The following PDE1A variants were observed in gnomAD, a reference collection of about 807,000 sequenced individuals.
The protein encoded by PDE1A is phosphodiesterase 1A.
Under a neutral mutation model 61.7 loss-of-function variants are expected in PDE1A, and 35 were observed. The observed-to-expected ratio is 0.57, with a 90% CI of 0.43 to 0.75. PDE1A has a LOEUF of 0.75. Ranked by LOEUF, PDE1A falls within the 30% of genes least tolerant of loss-of-function variation. The pLI, the probability that PDE1A is intolerant of heterozygous loss-of-function variation, is 0.00. For synonymous variants in PDE1A, 232 were observed against 213.2 expected, an observed-to-expected ratio of 1.09 and a Z score of -0.77; for missense variants, 597 against 630.6, an observed-to-expected ratio of 0.95 and a Z score of 0.57.
chr2:182,295,662 TG>T (rs113590894), intron 1 of PDE1A, among the ~76,000 whole-genome samples: 7,196 of 152,264 alleles, frequency 0.047, 558 homozygotes, highest in African/African-American at 0.16. Context: ...TCATTCAGAT[TG>T]AGAGCTAAAA....
At chr2:182,418,402 A>G (rs1171559819) in intron 1 of PDE1A, among the ~76,000 whole-genome samples, 2 of 152,182 alleles carry the variant, frequency 1.3e-5, no homozygotes, top group Non-Finnish European at 2.9e-5. Flanking sequence ...AATCTCAGGC[A>G]TGCTATAACC....
At chr2:182,363,619 A>G (rs771185524) in intron 1 of PDE1A, among the ~76,000 whole-genome samples, 8 of 152,054 alleles carry the variant, frequency 5.3e-5, no homozygotes, top group Non-Finnish European at 1.0e-4. Flanking sequence ...ATGAAGCTCT[A>G]TTTGTTTGAG....
chr2:182,661,118 G>A, the PDE1A span, among the ~76,000 whole-genome samples: 1 of 152,150 alleles, frequency 6.6e-6, no homozygotes, highest in African/African-American at 2.4e-5. Context: ...ATTAACAGAT[G>A]TTTAAAAACG....
chr2:182,222,294 G>T (rs866616915), intron 7 of PDE1A, among the ~76,000 whole-genome samples: 11 of 152,038 alleles, frequency 7.2e-5, no homozygotes, highest in South Asian at 6.2e-4. Context: ...CAGTCTGAAA[G>T]AATTATATAC....
intron 1 of PDE1A, among the ~76,000 whole-genome samples, chr2:182,267,507 T>TG (rs1452996775): frequency 1.3e-5 from 2 of 151,826 alleles, no homozygotes; most frequent in East Asian, 3.9e-4. Context: ...AAATGTATAT[T>TG]GGGGGGTTAC....
the PDE1A span, among the ~76,000 whole-genome samples, chr2:182,566,653 C>T: frequency 6.6e-5 from 10 of 152,076 alleles, no homozygotes; most frequent in African/African-American, 2.2e-4. Context: ...TCTGATAATA[C>T]GTCCTTAAAG....
chr2:182,547,315 G>A, the PDE1A span, among the ~76,000 whole-genome samples: 1 of 152,088 alleles, frequency 6.6e-6, no homozygotes, highest in Non-Finnish European at 1.5e-5. Context: ...TAGCAGAACT[G>A]TCATCTCCTA....
At chr2:182,424,891 G>A (rs1368230457) in intron 1 of PDE1A, among the ~76,000 whole-genome samples, 4 of 152,084 alleles carry the variant, frequency 2.6e-5, no homozygotes, top group African/African-American at 9.7e-5. Context: ...CAACTCCCTG[G>A]TGAAAGTATG....
intron 13 of PDE1A, among the ~76,000 whole-genome samples, chr2:182,180,462 C>T (rs1178199721): frequency 1.3e-5 from 2 of 152,164 alleles, no homozygotes; most frequent in African/African-American, 4.8e-5. Context: ...TGCTGTTAGT[C>T]TGATGAGCTT....
In PDE1A at chr2:182,336,618, GC is replaced by G. The variant is rs1404394503; in HGVS notation, c.54-72205del. On this transcript the variant is annotated intron_variant, in intron 1 of 13. Coordinates refer to ENST00000351439, the Ensembl canonical transcript of PDE1A. ...GAACGTCACACACCAGGGCCTGTCA[GC>G]GGGTAGGGGGCTAGGGGAGGGATAG... Among the ~76,000 whole-genome samples, 9 of 152,234 alleles carry G rather than the reference GC, an allele frequency of 5.9e-5. No individual in the cohort carries two copies. The South Asian group carries it at 1.2e-3, about 21-fold the overall frequency.
the PDE1A span, among the ~76,000 whole-genome samples, chr2:182,687,325 T>A: frequency 6.6e-6 from 1 of 152,172 alleles, no homozygotes; most frequent in African/African-American, 2.4e-5. Context: ...GGTTTCCCTC[T>A]GAGATGAAAC....
chr2:182,421,632 T>C (rs1002405628), intron 1 of PDE1A, among the ~76,000 whole-genome samples: 1 of 152,200 alleles, frequency 6.6e-6, no homozygotes, highest in Non-Finnish European at 1.5e-5. Context: ...TACCTCCTGC[T>C]ATTAAAATGT....
the PDE1A span, among the ~76,000 whole-genome samples, chr2:182,644,108 CCT>C: frequency 8.1e-6 from 1 of 123,992 alleles, no homozygotes; most frequent in Non-Finnish European, 1.7e-5. Context: ...GTCAGAGATA[CCT>C]TCTCTCTAAT....
In PDE1A at chr2:182,373,656, C is replaced by G. The variant is rs538505726; in HGVS notation, c.53+52922G>C. ...GCTAGAAATGTATTATAGCACTTCACTTGAGAAACAGAAGTAAAGCAGTGA... is the reference window on the plus strand; with the variant it reads ...GCTAGAAATGTATTATAGCACTTCAGTTGAGAAACAGAAGTAAAGCAGTGA... On this transcript the variant is annotated intron_variant, in intron 1 of 13. Transcript: ENST00000351439. Among the ~76,000 whole-genome samples the G allele has an allele frequency of 7.9e-5, 12 of 152,198 alleles. No individual in the cohort carries two copies. In the South Asian group the frequency reaches 2.5e-3, roughly 32 times the overall value.
At chr2:182,276,238 G>C (rs1693401511) in intron 1 of PDE1A, among the ~76,000 whole-genome samples, 1 of 151,948 alleles carries the variant, frequency 6.6e-6, no homozygotes, top group African/African-American at 2.4e-5. Context: ...AACAAAAATT[G>C]GTCTTAGAAG....
intron 10 of PDE1A, among the ~76,000 whole-genome samples, chr2:182,196,799 GATTT>G (rs1014690160): frequency 4.0e-5 from 6 of 151,710 alleles, no homozygotes; most frequent in Admixed American, 6.6e-5. Flanking sequence ...ACTGTACCAT[GATTT>G]ATTTTTTATC....
intron 1 of PDE1A, among the ~76,000 whole-genome samples, chr2:182,285,011 A>C (rs1351544372): frequency 6.6e-6 from 1 of 152,082 alleles, no homozygotes; most frequent in East Asian, 1.9e-4. Context: ...TAGCTTAGCT[A>C]TCTTCACTTT....
chr2:182,658,944 C>T, the PDE1A span, among the ~76,000 whole-genome samples: 1 of 152,112 alleles, frequency 6.6e-6, no homozygotes, highest in African/African-American at 2.4e-5. Flanking sequence ...TGCAAATTCT[C>T]ACTGCAAGCC....
chr2:182,601,117 G>A, the PDE1A span, among the ~76,000 whole-genome samples: 2 of 152,220 alleles, frequency 1.3e-5, no homozygotes, highest in Admixed American at 1.3e-4. Flanking sequence ...ACTCGGCCTG[G>A]CAGGCTGCAC....
Sources: gnomAD v4.1 joint callset for allele counts (sites outside exome capture counted in the v4.1 genomes callset) on GRCh38, gnomAD v4.1.1 for gene constraint, MANE v1.5 for transcripts, NCBI Gene and HGNC (gene_info 2026-07-23, HGNC 2026-07-21) for gene names.